Variants in PITRM1 observed in about 807,000 individuals in gnomAD.
The protein encoded by PITRM1 is presequence protease, mitochondrial.
Under a neutral mutation model 129.9 loss-of-function variants are expected in PITRM1, and 100 were observed. The ratio of observed to expected loss-of-function variants is 0.77; its 90% CI spans 0.65 to 0.91. The LOEUF is 0.91. Ranked by LOEUF, PITRM1 falls within the 40% of genes least tolerant of loss-of-function variation. PITRM1 has a pLI of 0.00. For missense variants in PITRM1, 1,471 were observed against 1,318.3 expected (o/e 1.12, Z -1.79); for synonymous variants, 591 against 508.8 (o/e 1.16, Z -2.17).
At chr10:3,171,166 A>ACAAAAACAAAAACAAAAAC (rs1843314690) in intron 1 of PITRM1, among the ~76,000 whole-genome samples, 2 of 138,052 alleles carry the variant, frequency 1.4e-5, no homozygotes, top group African/African-American at 5.9e-5. Flanking sequence ...AAAAAAAAAA[A>ACAAAAACAAAAACAAAAAC]AAAAAAAAAA....
rs1839681033 is a variant in PITRM1, at chr10:3,137,784, A to G, written c.*247T>C. On this transcript the variant is annotated 3_prime_UTR_variant, in exon 27 of 27. Coordinates refer to ENST00000224949, the MANE Select transcript of PITRM1 (RefSeq NM_014889.4). ...CTTAAATATTCTAGAATGAGGTAAAACGAGCCTGCCAGTACAAAGTGAAAA... is the reference window on the plus strand; with the variant it reads ...CTTAAATATTCTAGAATGAGGTAAAGCGAGCCTGCCAGTACAAAGTGAAAA... The G allele has an allele frequency of 1.9e-6, 1 of 514,152 alleles. No individual in the cohort carries two copies. The highest frequency in any genetic ancestry group is 3.3e-5 in the Admixed American group (1 of 30,350). The allele number at this position is 514,152 out of a possible 1,614,324, so 31.8% of individuals were successfully genotyped here. A position where few individuals can be genotyped will look rare whatever the true frequency, so the allele number is the denominator to read the frequency against.
In PITRM1 at chr10:3,140,689, G is replaced by A. The variant is rs140801573; in HGVS notation, c.2769C>T (p.Tyr923=). 77 of 1,598,496 alleles carry A rather than the reference G, an allele frequency of 4.8e-5. No homozygotes were observed. Among genetic ancestry groups the A allele is most frequent in the Admixed American group, 3.1e-4 (18 of 57,852 alleles). The change falls in exon 24 of 27, where the codon TAC becomes TAT. Residue 923 remains tyrosine (Y), a splice_region_variant and synonymous_variant. Transcript: ENST00000224949. ...SHNGIFTLYS[Y]RDPNTIETLQ... Reference sequence around the variant, plus strand: ...GTGTGAACTAGAGCAAAACTCACCTGTAAGAGTAAAGGGTGAAAATCCCAT... The same window carrying A: ...GTGTGAACTAGAGCAAAACTCACCTATAAGAGTAAAGGGTGAAAATCCCAT...
intron 19 of PITRM1, 38 bp from the exon 20 acceptor site, chr10:3,147,288 C>T: frequency 7.1e-7 from 1 of 1,414,450 alleles, no homozygotes; most frequent in Non-Finnish European, 1.0e-6. Context: ...GAGGCAGAGG[C>T]TACAACAGAC....
At chr10:3,161,854 A>G (rs1205049714) in intron 7 of PITRM1, among the ~76,000 whole-genome samples, 959 of 40,534 alleles carry the variant, frequency 0.024, 5 homozygotes, top group African/African-American at 0.068. Context: ...GACTGGGGAA[A>G]AAAAAAAAAA....
At chr10:3,171,689 T>A (rs898738817) in intron 1 of PITRM1, among the ~76,000 whole-genome samples, 7 of 152,310 alleles carry the variant, frequency 4.6e-5, no homozygotes, top group Admixed American at 1.3e-4. Flanking sequence ...TCTGCCCGCC[T>A]TGGCCTCCCA....
intron 14 of PITRM1, among the ~76,000 whole-genome samples, chr10:3,153,540 A>G (rs1841702264): frequency 6.6e-6 from 1 of 152,044 alleles, no homozygotes; most frequent in South Asian, 2.1e-4. Context: ...AATGACGTGA[A>G]TCCGGGAGGG....
chr10:3,172,428 ACC>A (rs1379127937), intron 1 of PITRM1, among the ~76,000 whole-genome samples: 3 of 151,686 alleles, frequency 2.0e-5, no homozygotes, highest in Non-Finnish European at 4.4e-5. Context: ...CCCATTTACT[ACC>A]CCCGTTAAAG....
chr10:3,139,002 T>A lies in PITRM1; in HGVS notation c.2819A>T (p.Asp940Val). The change falls in exon 25 of 27, where the codon GAC becomes GTC. Residue 940 changes from aspartate (D) to valine (V), a missense_variant. Physicochemically the swap from Asp to Val is radical, Grantham distance 152. Coordinates refer to ENST00000224949, the MANE Select transcript of PITRM1 (RefSeq NM_014889.4). ...TGTGAATTTTCCAGACTTAGCCCAG[T>A]CGACAGCCTTCCCAAAAGACTGGAG... ...ETLQSFGKAV[D>V]WAKSGKFTQQ... The A allele has an allele frequency of 6.2e-7, 1 of 1,613,922 alleles. No individual in the cohort carries two copies. Among genetic ancestry groups the A allele is most frequent in the Non-Finnish European group, 8.5e-7 (1 of 1,179,800 alleles).
intron 9 of PITRM1, among the ~76,000 whole-genome samples, 163 bp from the exon 10 acceptor site, chr10:3,159,205 G>A (rs760860719): frequency 6.6e-6 from 1 of 152,120 alleles, no homozygotes; most frequent in Non-Finnish European, 1.5e-5. Context: ...CTTAAATACC[G>A]GGATTTTTGA....
intron 14 of PITRM1, among the ~76,000 whole-genome samples, 171 bp downstream of exon 14, chr10:3,155,411 AGCTACACGG>A (rs1213474732): frequency 6.6e-6 from 1 of 152,172 alleles, no homozygotes; most frequent in Non-Finnish European, 1.5e-5. Flanking sequence ...TTTCCTACTG[AGCTACACGG>A]GCGATTTTCT....
intron 23 of PITRM1, 74 bp from the exon 24 acceptor site, chr10:3,140,886 T>G: frequency 7.9e-7 from 1 of 1,257,904 alleles, no homozygotes; most frequent in Non-Finnish European, 1.1e-6. Context: ...ATTGTTGGAT[T>G]AAGTGAAAAT....
At chr10:3,168,979 T>C (rs1843121339) in intron 2 of PITRM1, among the ~76,000 whole-genome samples, 1 of 150,038 alleles carries the variant, frequency 6.7e-6, no homozygotes, top group South Asian at 2.1e-4. Flanking sequence ...TAGCCAGGCG[T>C]GGTGGCACCT....
Position 3,152,839 on chromosome 10 carries a change from C to G in PITRM1, c.1622-1476G>C, listed in dbSNP as rs113650589. On this transcript the variant is annotated intron_variant, in intron 14 of 26. Coordinates refer to ENST00000224949, the MANE Select transcript of PITRM1 (RefSeq NM_014889.4). ...GCCACAGCTACCCTGACATCCAGGG[C>G]TCCTTCTCTGAATGCACTCACTCAC... 4.8e-3 allele frequency among the ~76,000 whole-genome samples: 726 copies of G among 152,380 alleles called. 6 individuals carry two copies. Among genetic ancestry groups the G allele is most frequent in the African/African-American group, 0.017 (687 of 41,596 alleles).
At chr10:3,141,745 G>A (rs1032740337) in intron 23 of PITRM1, 2 of 446,172 alleles carry the variant, frequency 4.5e-6, no homozygotes, top group East Asian at 7.4e-5. Flanking sequence ...TTCCTAAAGT[G>A]GATGAAGGGA....
chr10:3,153,882 C>T (rs1841742745), intron 14 of PITRM1, among the ~76,000 whole-genome samples: 1 of 152,172 alleles, frequency 6.6e-6, no homozygotes, highest in Non-Finnish European at 1.5e-5. Flanking sequence ...GTATGTGTTG[C>T]ATCTATTTTT....
chr10:3,154,471 G>T (rs183282837), intron 14 of PITRM1, among the ~76,000 whole-genome samples: 1 of 152,124 alleles, frequency 6.6e-6, no homozygotes, highest in Admixed American at 6.5e-5. Context: ...GGTGCTGGCA[G>T]TAATTTTTAA....
In PITRM1 at chr10:3,137,913, C is replaced by T. The variant is rs926521953; in HGVS notation, c.*118G>A. Reference sequence around the variant, plus strand: ...GAGTTTTTGACTCGCCAGTCAAGGGCTTTGGCGACACTCAATGACATAATA... The same window carrying T: ...GAGTTTTTGACTCGCCAGTCAAGGGTTTTGGCGACACTCAATGACATAATA... On this transcript the variant is annotated 3_prime_UTR_variant, in exon 27 of 27. Transcript: ENST00000224949. 3.0e-6 allele frequency: 2 copies of T among 655,826 alleles called. No individual in the cohort carries two copies. Among genetic ancestry groups the T allele is most frequent in the African/African-American group, 3.6e-5 (2 of 55,032 alleles). The allele number at this position is 655,826 out of a possible 1,614,324, so 40.6% of individuals were successfully genotyped here. A position where few individuals can be genotyped will look rare whatever the true frequency, so the allele number is the denominator to read the frequency against.
chr10:3,172,790 T>G, upstream of PITRM1: 1 of 1,502,320 alleles, frequency 6.7e-7, no homozygotes, highest in South Asian at 1.2e-5. Context: ...GACGAGCACC[T>G]GGCTGGCGAG....
chr10:3,169,694 C>A (rs751111358), intron 2 of PITRM1, among the ~76,000 whole-genome samples: 2 of 152,182 alleles, frequency 1.3e-5, no homozygotes, highest in South Asian at 4.1e-4. Context: ...TTCTGAAACC[C>A]GAATGGCTCA....
Sources: allele counts gnomAD v4.1 joint callset (sites outside exome capture counted in the v4.1 genomes callset), GRCh38; gene constraint gnomAD v4.1.1; transcripts MANE v1.5; gene names NCBI Gene and HGNC (gene_info 2026-07-23, HGNC 2026-07-21).